MAP2K3: variants seen among roughly 807,000 people sequenced by gnomAD.
The protein encoded by MAP2K3 is mitogen-activated protein kinase kinase 3, also known as dual specificity mitogen-activated protein kinase kinase 3.
A neutral mutation model predicts 46.4 loss-of-function variants in MAP2K3; 30 were observed. That is an observed-to-expected ratio of 0.65 (90% confidence interval 0.48 to 0.88). The LOEUF is 0.88. Ranked by LOEUF, MAP2K3 falls within the 40% of genes least tolerant of loss-of-function variation. The pLI is 0.00. For missense variants in MAP2K3, 380 were observed against 464.5 expected (o/e 0.82, Z 1.67); for synonymous variants, 189 against 176.3 (o/e 1.07, Z -0.57).
intron 3 of MAP2K3, among the ~76,000 whole-genome samples, chr17:21,300,097 G>A (rs1329329827): frequency 6.6e-6 from 1 of 152,308 alleles, no homozygotes; most frequent in African/African-American, 2.4e-5. Flanking sequence ...ACTCCTTTTT[G>A]TGTCCCTCCC....
chr17:21,300,868 C>T lies in MAP2K3; in HGVS notation c.280-6C>T, dbSNP rs556967451. Reference sequence around the variant, plus strand: ...GCAACCTCTGAATGGCAGTCCTTCCCTGCAGCGGATCCGGGCCACCGTGAA... The same window carrying T: ...GCAACCTCTGAATGGCAGTCCTTCCTTGCAGCGGATCCGGGCCACCGTGAA... On this transcript the variant is annotated splice_polypyrimidine_tract_variant and splice_region_variant and intron_variant, in intron 4 of 11. Coordinates refer to ENST00000342679, the MANE Select transcript of MAP2K3 (RefSeq NM_145109.3). 1 of 1,614,110 alleles carries T rather than the reference C, an allele frequency of 6.2e-7. No individual in the cohort carries two copies. Among genetic ancestry groups the T allele is most frequent in the East Asian group, 2.2e-5 (1 of 44,894 alleles).
chr17:21,295,162 G>T (rs1213990163), intron 1 of MAP2K3, among the ~76,000 whole-genome samples: 1 of 152,312 alleles, frequency 6.6e-6, no homozygotes, highest in East Asian at 1.9e-4. Flanking sequence ...CCTGCGGTGG[G>T]AAAGCAGGTG....
chr17:21,300,804 G>A, intron 4 of MAP2K3, 70 bp from the exon 5 acceptor site: 1 of 1,612,504 alleles, frequency 6.2e-7, no homozygotes, highest in East Asian at 2.2e-5. Context: ...TGAGCTCCTG[G>A]CCCTCCTGTC....
intron 9 of MAP2K3, among the ~76,000 whole-genome samples, chr17:21,309,060 G>C (rs1292921687): frequency 6.6e-6 from 1 of 152,312 alleles, no homozygotes; most frequent in Non-Finnish European, 1.5e-5. Flanking sequence ...CTGGGGTCAT[G>C]GCTGGGCTGG....
In MAP2K3 at chr17:21,292,739, G is replaced by A. The variant is rs539284034; in HGVS notation, c.50-5674G>A. Reference sequence around the variant, plus strand: ...TGACCTCAAGTAATCCTTCTGCCTTGGCCTCCCAAAGTGCTGGGATTACAG... The same window carrying A: ...TGACCTCAAGTAATCCTTCTGCCTTAGCCTCCCAAAGTGCTGGGATTACAG... On this transcript the variant is annotated intron_variant, in intron 1 of 11. Transcript: ENST00000342679. 5.9e-5 allele frequency among the ~76,000 whole-genome samples: 9 copies of A among 152,426 alleles called. No individual in the cohort carries two copies. In the South Asian group the frequency reaches 1.9e-3, roughly 32 times the overall value.
At chr17:21,299,468 G>T (rs1263780527) in intron 3 of MAP2K3, among the ~76,000 whole-genome samples, 6 of 152,304 alleles carry the variant, frequency 3.9e-5, no homozygotes, top group Admixed American at 2.6e-4. Flanking sequence ...GATCACTTGA[G>T]CCTCGGAGCT....
intron 1 of MAP2K3, 140 bp downstream of exon 1, chr17:21,285,109 C>A: frequency 1.5e-6 from 2 of 1,319,880 alleles, no homozygotes; most frequent in Non-Finnish European, 2.0e-6. Flanking sequence ...CCTTCCTGTT[C>A]GGGGTCCCGG....
chr17:21,288,837 T>G (rs1379592), intron 1 of MAP2K3, among the ~76,000 whole-genome samples: 113,586 of 152,194 alleles, frequency 0.75, 43,434 homozygotes, highest in African/African-American at 0.91. Flanking sequence ...AAGCCGGGGG[T>G]CCTGGGCTCT....
chr17:21,312,043 C>G (rs1977186119), intron 9 of MAP2K3, 99 bp from the exon 10 acceptor site: 1 of 1,210,628 alleles, frequency 8.3e-7, no homozygotes, highest in Admixed American at 3.1e-5. Flanking sequence ...ACGCCTGGCT[C>G]TGGTACCAGG....
chr17:21,302,662 T>C (rs1976672963), intron 6 of MAP2K3, among the ~76,000 whole-genome samples: 1 of 152,302 alleles, frequency 6.6e-6, no homozygotes, highest in African/African-American at 2.4e-5. Flanking sequence ...GCTTTTTGAG[T>C]CTAAAAAGTC....
intron 9 of MAP2K3, among the ~76,000 whole-genome samples, chr17:21,311,217 A>G (rs957644285): frequency 6.6e-6 from 1 of 152,178 alleles, no homozygotes; most frequent in Non-Finnish European, 1.5e-5. Flanking sequence ...TCTTCCGTTC[A>G]TCATGGTGAT....
At chr17:21,296,430 G>C (rs1976255048) in intron 1 of MAP2K3, among the ~76,000 whole-genome samples, 1 of 152,312 alleles carries the variant, frequency 6.6e-6, no homozygotes, top group Non-Finnish European at 1.5e-5. Flanking sequence ...AATGTGCTGA[G>C]CCTCTGCATC....
chr17:21,290,569 C>G (rs1975864710), intron 1 of MAP2K3, among the ~76,000 whole-genome samples: 1 of 152,308 alleles, frequency 6.6e-6, no homozygotes, highest in African/African-American at 2.4e-5. Flanking sequence ...CCAGGGAGCC[C>G]CTAGGTACCA....
intron 1 of MAP2K3, among the ~76,000 whole-genome samples, chr17:21,297,362 G>C (rs1229023690): frequency 1.3e-5 from 2 of 152,304 alleles, no homozygotes; most frequent in African/African-American, 4.8e-5. Context: ...GTGGCGGGTG[G>C]TGGGTGAGGG....
Position 21,284,967 on chromosome 17 carries a change from A to G in MAP2K3, c.47A>G (p.Lys16Arg), listed in dbSNP as rs1345986872. 6.2e-7 allele frequency: 1 copy of G among 1,610,638 alleles called. No individual in the cohort carries two copies. The highest frequency in any genetic ancestry group is 1.1e-5 in the South Asian group (1 of 90,394). The change falls in exon 1 of 12, where the codon AAA becomes AGA. Residue 16 changes from lysine (K) to arginine (R), a missense_variant and splice_region_variant. By Grantham distance (26) the Lys-to-Arg change is conservative (BLOSUM62 2). Coordinates refer to ENST00000342679, the MANE Select transcript of MAP2K3 (RefSeq NM_145109.3). ...SSQPASMPQSKGKSKRKKDLR... is the reference protein window; with the variant it reads ...SSQPASMPQSRGKSKRKKDLR... ...CAGCCCGCCAGCATGCCCCAGTCCA[A>G]AGGTAGGCGCTCCCGGCCGGGACCT... is the stretch of plus-strand genomic sequence containing the variant.
At chr17:21,309,387 T>C (rs1183203590) in intron 9 of MAP2K3, among the ~76,000 whole-genome samples, 1 of 21,326 alleles carries the variant, frequency 4.7e-5, no homozygotes, top group Admixed American at 4.3e-4. Flanking sequence ...GTGGTCACTT[T>C]AGGCACAGGT....
intron 1 of MAP2K3, 109 bp from the exon 2 acceptor site, chr17:21,298,304 G>T (rs749690637): frequency 6.7e-7 from 1 of 1,496,658 alleles, no homozygotes; most frequent in Non-Finnish European, 9.3e-7. Context: ...CGGCATGGGT[G>T]ATGGCAGAGG....
chr17:21,301,477 G>A (rs1340551529), intron 5 of MAP2K3, among the ~76,000 whole-genome samples: 1 of 152,310 alleles, frequency 6.6e-6, no homozygotes, highest in Non-Finnish European at 1.5e-5. Context: ...GGGTGAGCAG[G>A]GAGGCCGGGA....
intron 9 of MAP2K3, chr17:21,311,747 G>T: frequency 5.9e-6 from 1 of 170,834 alleles, no homozygotes; most frequent in Non-Finnish European, 1.2e-5. Flanking sequence ...AAGGGGATTG[G>T]CTGTGACCAC....
Sources: allele counts gnomAD v4.1 joint callset (sites outside exome capture counted in the v4.1 genomes callset), GRCh38; gene constraint gnomAD v4.1.1; transcripts MANE v1.5; gene names NCBI Gene and HGNC (gene_info 2026-07-23, HGNC 2026-07-21).